Variants in MACROD2 observed in about 807,000 individuals in gnomAD.
MACROD2 encodes the protein mono-ADP ribosylhydrolase 2.
In MACROD2, 36 loss-of-function variants were observed where a neutral mutation model predicts 70.4. The observed-to-expected ratio is 0.51, with a 90% CI of 0.39 to 0.68. The LOEUF is 0.68. Ranked by LOEUF, MACROD2 falls within the 30% of genes least tolerant of loss-of-function variation. MACROD2 has a pLI of 0.00. For missense variants in MACROD2, 496 were observed against 538.4 expected, an observed-to-expected ratio of 0.92 and a Z score of 0.78; for synonymous variants, 172 against 178.8, an observed-to-expected ratio of 0.96 and a Z score of 0.30.
chr20:14,829,849 T>C (rs1433611511), intron 5 of MACROD2, among the ~76,000 whole-genome samples: 1 of 152,196 alleles, frequency 6.6e-6, no homozygotes, highest in Non-Finnish European at 1.5e-5. Context: ...TTTGGTTCTT[T>C]GTTAAACATT....
intron 5 of MACROD2, chr20:14,905,022 G>A (rs1323201219): frequency 3.3e-5 from 5 of 152,132 alleles, no homozygotes; most frequent in Non-Finnish European, 5.9e-5. Flanking sequence ...CAAGCTCTGA[G>A]TGATGGTGGG....
At chr20:14,173,564 C>T (rs1277524296) in intron 3 of MACROD2, among the ~76,000 whole-genome samples, 1 of 152,140 alleles carries the variant, frequency 6.6e-6, no homozygotes, top group Non-Finnish European at 1.5e-5. Flanking sequence ...TCACCTTTCT[C>T]TGGTTTCCCT....
At chr20:15,943,536 G>A (rs114218349) in intron 12 of MACROD2, among the ~76,000 whole-genome samples, 200 of 152,234 alleles carry the variant, frequency 1.3e-3, no homozygotes, top group African/African-American at 4.6e-3. Flanking sequence ...CTTAAGTGTA[G>A]AATGAAAGTG....
At chr20:14,795,409 C>T (rs1347337387) in intron 5 of MACROD2, among the ~76,000 whole-genome samples, 1 of 151,998 alleles carries the variant, frequency 6.6e-6, no homozygotes, top group Non-Finnish European at 1.5e-5. Flanking sequence ...GTAACTTGGA[C>T]ATGAGCATGG....
At chr20:15,848,596 T>G (rs1359388170) in intron 8 of MACROD2, among the ~76,000 whole-genome samples, 2 of 152,178 alleles carry the variant, frequency 1.3e-5, no homozygotes, top group Non-Finnish European at 2.9e-5. Context: ...AAGCACTTAA[T>G]TAATTGATAA....
intron 7 of MACROD2, among the ~76,000 whole-genome samples, chr20:15,466,707 G>A (rs2046894853): frequency 6.6e-6 from 1 of 152,174 alleles, no homozygotes; most frequent in Admixed American, 6.5e-5. Context: ...AAAAGAGACT[G>A]TATTATAATT....
At position 14,461,560 on chromosome 20, in the gene MACROD2, G is replaced by T. The variant is rs535576307; in HGVS notation, c.272-31919G>T. Among the ~76,000 whole-genome samples the T allele has an allele frequency of 1.7e-4, 26 of 151,696 alleles. 1 individual carries two copies. In the South Asian group the frequency reaches 4.2e-3, roughly 24 times the overall value. Reference sequence around the variant, plus strand: ...ACATGTCCACAACGTGAAGGTGCAGGTTTGTTACATATGTATACCTGTGCC... The same window carrying T: ...ACATGTCCACAACGTGAAGGTGCAGTTTTGTTACATATGTATACCTGTGCC... On this transcript the variant is annotated intron_variant, in intron 3 of 17. Coordinates refer to ENST00000684519, the MANE Select transcript of MACROD2 (RefSeq NM_001351661.2).
chr20:16,041,307 G>T, intron 16 of MACROD2, 29 bp downstream of exon 16: 4 of 1,565,586 alleles, frequency 2.6e-6, no homozygotes, highest in Non-Finnish European at 3.5e-6. Context: ...GGAGCCCATG[G>T]AAACTACAAA....
chr20:15,008,884 T>G (rs725171), intron 5 of MACROD2, among the ~76,000 whole-genome samples: 1 of 152,270 alleles, frequency 6.6e-6, no homozygotes, highest in African/African-American at 2.4e-5. Flanking sequence ...GTTGGATGGA[T>G]TTTTTTCCTT....
At chr20:15,341,548 G>A (rs1234246950) in intron 6 of MACROD2, among the ~76,000 whole-genome samples, 1 of 152,122 alleles carries the variant, frequency 6.6e-6, no homozygotes, top group Non-Finnish European at 1.5e-5. Flanking sequence ...GCACATTTCT[G>A]ATTCAAATAA....
chr20:14,134,067 C>T (rs2054756898), intron 3 of MACROD2, among the ~76,000 whole-genome samples: 1 of 152,232 alleles, frequency 6.6e-6, no homozygotes, highest in South Asian at 2.1e-4. Flanking sequence ...TCTGTCCAAA[C>T]CTGTTTCATT....
At chr20:14,130,500 C>T (rs755605925) in intron 3 of MACROD2, among the ~76,000 whole-genome samples, 15 of 151,906 alleles carry the variant, frequency 9.9e-5, no homozygotes, top group Non-Finnish European at 2.1e-4. Flanking sequence ...GTCGAGATCA[C>T]GCCACTGCAC....
At chr20:15,584,510 A>T (rs1410372229) in intron 8 of MACROD2, among the ~76,000 whole-genome samples, 1 of 152,232 alleles carries the variant, frequency 6.6e-6, no homozygotes, top group Non-Finnish European at 1.5e-5. Flanking sequence ...GAAACTGAAA[A>T]AAATAAATAA....
chr20:15,534,629 A>AT (rs1174189215), intron 8 of MACROD2, among the ~76,000 whole-genome samples: 2 of 152,130 alleles, frequency 1.3e-5, no homozygotes, highest in African/African-American at 4.8e-5. Context: ...AGGTTGATAG[A>AT]TATGTTTCAT....
intron 6 of MACROD2, among the ~76,000 whole-genome samples, chr20:15,385,866 CAA>C (rs528073702): frequency 9.9e-4 from 150 of 152,076 alleles, no homozygotes; most frequent in African/African-American, 3.4e-3. Flanking sequence ...CTGAAAAGAC[CAA>C]AGAGAAACTT....
intron 5 of MACROD2, among the ~76,000 whole-genome samples, chr20:14,918,131 C>A (rs556911010): frequency 7.2e-5 from 11 of 152,118 alleles, no homozygotes; most frequent in African/African-American, 2.6e-4. Context: ...ACACCACCAT[C>A]CCCAGTTAAT....
intron 5 of MACROD2, among the ~76,000 whole-genome samples, chr20:14,987,098 A>G (rs2074856387): frequency 6.6e-6 from 1 of 152,138 alleles, no homozygotes. Flanking sequence ...GCCTATTTAA[A>G]TGCCATAGGA....
At chr20:14,191,721 A>T in intron 3 of MACROD2, among the ~76,000 whole-genome samples, 1 of 152,244 alleles carries the variant, frequency 6.6e-6, no homozygotes, top group Admixed American at 6.5e-5. Context: ...AGAGTATTCC[A>T]GGCAGAGGGA....
At chr20:15,230,134 G>C in intron 6 of MACROD2, 73 bp downstream of exon 6, 1 of 1,430,138 alleles carries the variant, frequency 7.0e-7, no homozygotes, top group Non-Finnish European at 9.4e-7. Flanking sequence ...CTTGTCTAAA[G>C]AGAGGTAGGA....
Sources: gnomAD v4.1 joint callset for allele counts (sites outside exome capture counted in the v4.1 genomes callset) on GRCh38, gnomAD v4.1.1 for gene constraint, MANE v1.5 for transcripts, NCBI Gene and HGNC (gene_info 2026-07-23, HGNC 2026-07-21) for gene names.